SOX6: variants seen among roughly 807,000 people sequenced by gnomAD.
SOX6 encodes the protein transcription factor SOX-6.
A neutral mutation model predicts 97.8 loss-of-function variants in SOX6; 11 were observed. The observed-to-expected ratio is 0.11, with a 90% CI of 0.07 to 0.19. The LOEUF (loss-of-function observed/expected upper bound fraction) is 0.19, where lower values mean the gene tolerates loss of function less well. Ranked by LOEUF, SOX6 falls within the 10% of genes least tolerant of loss-of-function variation. The probability of loss-of-function intolerance (pLI) is 1.00; values close to 1 mark genes in which losing one functional copy is unlikely to be tolerated. For missense variants in SOX6, 810 were observed against 1,039.5 expected (o/e 0.78, Z 3.04); for synonymous variants, 360 against 371.4 (o/e 0.97, Z 0.35).
At chr11:15,986,685 TC>T in intron 14 of SOX6, among the ~76,000 whole-genome samples, 2 of 152,328 alleles carry the variant, frequency 1.3e-5, no homozygotes, top group South Asian at 4.1e-4. Flanking sequence ...TGCTTAAAGA[TC>T]ATTGCCTACA....
intron 3 of SOX6, among the ~76,000 whole-genome samples, chr11:16,306,615 T>TTTTTTTTTTC (rs1407073709): frequency 7.0e-6 from 1 of 142,190 alleles, no homozygotes; most frequent in Non-Finnish European, 1.6e-5. Flanking sequence ...AAATTTCTTT[T>TTTTTTTTTTC]TTTTTTTTTT....
chr11:16,461,812 C>G (rs939621190), intron 1 of SOX6, among the ~76,000 whole-genome samples: 1 of 152,146 alleles, frequency 6.6e-6, no homozygotes, highest in Non-Finnish European at 1.5e-5. Context: ...ATCTCCTCTG[C>G]AATAACAAAT....
At chr11:16,269,085 T>C (rs1854165797) in intron 3 of SOX6, among the ~76,000 whole-genome samples, 1 of 150,836 alleles carries the variant, frequency 6.6e-6, no homozygotes, top group Admixed American at 6.6e-5. Context: ...TTTATTCTTT[T>C]CTATAGTATT....
intron 9 of SOX6, among the ~76,000 whole-genome samples, chr11:16,068,007 AG>A (rs200266973): frequency 0.012 from 1,834 of 152,310 alleles, 34 homozygotes; most frequent in African/African-American, 0.041. Flanking sequence ...GGGGAACCCC[AG>A]GCCTAGCCAA....
At chr11:16,191,613 T>C (rs1851632867) in intron 4 of SOX6, among the ~76,000 whole-genome samples, 1 of 152,182 alleles carries the variant, frequency 6.6e-6, no homozygotes, top group African/African-American at 2.4e-5. Context: ...CTTCAAGCTA[T>C]CTTAAAATGA....
intron 3 of SOX6, among the ~76,000 whole-genome samples, chr11:16,666,774 T>A (rs1239865774): frequency 2.0e-5 from 3 of 151,210 alleles, no homozygotes; most frequent in African/African-American, 7.3e-5. Flanking sequence ...CCAACCTGGA[T>A]GACAGAGTGG....
chr11:16,251,934 A>G (rs948970871), intron 3 of SOX6, among the ~76,000 whole-genome samples: 1 of 152,092 alleles, frequency 6.6e-6, no homozygotes, highest in East Asian at 1.9e-4. Context: ...TCACATAATT[A>G]TATAAGATGC....
chr11:16,354,619 C>A (rs749862909), intron 1 of SOX6, among the ~76,000 whole-genome samples: 2 of 151,944 alleles, frequency 1.3e-5, no homozygotes, highest in African/African-American at 4.8e-5. Context: ...GCTGTAGGTG[C>A]CTATTCAAAC....
chr11:16,517,664 A>G (rs970488463), intron 4 of SOX6, among the ~76,000 whole-genome samples: 1 of 152,176 alleles, frequency 6.6e-6, no homozygotes, highest in African/African-American at 2.4e-5. Context: ...TAGGACTTAA[A>G]CCCATGGCCA....
In SOX6 at chr11:16,517,507, C is replaced by T. The variant is rs545039277; in HGVS notation, n.610-41119G>A. Among the ~76,000 whole-genome samples, 8 of 152,250 alleles carry T rather than the reference C, an allele frequency of 5.3e-5. No homozygotes were observed. The East Asian group carries it at 1.5e-3, about 29-fold the overall frequency. ...CTTTGAAAATATAAAATTTTACAAT[C>T]AAGACATCATTATAACCACTCAAAA... On this transcript the variant is annotated intron_variant and non_coding_transcript_variant, in intron 4 of 5. Transcript: ENST00000524520.
At chr11:16,204,538 G>A (rs77841905) in intron 4 of SOX6, among the ~76,000 whole-genome samples, 408 of 150,886 alleles carry the variant, frequency 2.7e-3, no homozygotes, top group African/African-American at 8.8e-3. Flanking sequence ...GCTTTTTAGC[G>A]GGGAAGAGAA....
chr11:16,419,947 A>G (rs1457706204), intron 1 of SOX6, among the ~76,000 whole-genome samples: 3 of 152,216 alleles, frequency 2.0e-5, no homozygotes, highest in Non-Finnish European at 4.4e-5. Flanking sequence ...AAAAGGTGAC[A>G]GAATGGATTT....
chr11:16,549,295 G>A (rs942302729), intron 4 of SOX6, among the ~76,000 whole-genome samples: 13 of 152,072 alleles, frequency 8.5e-5, no homozygotes, highest in African/African-American at 1.7e-4. Context: ...TCAGCCTCCC[G>A]AATAGCTGGT....
intron 6 of SOX6, among the ~76,000 whole-genome samples, chr11:16,160,339 T>C (rs1304449659): frequency 2.0e-5 from 3 of 152,170 alleles, no homozygotes; most frequent in Non-Finnish European, 4.4e-5. Context: ...GGGAAGGATA[T>C]GACCTGGGGT....
intron 4 of SOX6, among the ~76,000 whole-genome samples, chr11:16,569,094 T>C (rs1052558192): frequency 6.6e-6 from 1 of 152,230 alleles, no homozygotes; most frequent in Non-Finnish European, 1.5e-5. Context: ...CATCTTGAGT[T>C]GGAATTTTTA....
intron 1 of SOX6, among the ~76,000 whole-genome samples, chr11:16,351,003 TA>T (rs1172778888): frequency 6.6e-6 from 1 of 152,102 alleles, no homozygotes; most frequent in East Asian, 1.9e-4. Flanking sequence ...TAAACATTAT[TA>T]TTTCTCTATA....
chr11:16,425,685 G>A (rs556793613), intron 1 of SOX6, among the ~76,000 whole-genome samples: 9 of 152,212 alleles, frequency 5.9e-5, no homozygotes, highest in East Asian at 1.9e-4. Flanking sequence ...CAGTCAAGCC[G>A]AGATCCAAAT....
intron 1 of SOX6, among the ~76,000 whole-genome samples, chr11:16,422,420 G>A (rs1859037597): frequency 6.6e-6 from 1 of 152,142 alleles, no homozygotes; most frequent in Non-Finnish European, 1.5e-5. Context: ...ACAAACCTCA[G>A]ACTACAGATA....
chr11:16,215,376 ATAAT>A (rs1852345415), intron 4 of SOX6, among the ~76,000 whole-genome samples: 1 of 152,214 alleles, frequency 6.6e-6, no homozygotes, highest in Admixed American at 6.5e-5. Flanking sequence ...TTTTAATTTA[ATAAT>A]TAACCACACC....
Sources: gnomAD v4.1 joint callset for allele counts (sites outside exome capture counted in the v4.1 genomes callset) on GRCh38, gnomAD v4.1.1 for gene constraint, MANE v1.5 for transcripts, NCBI Gene and HGNC (gene_info 2026-07-23, HGNC 2026-07-21) for gene names.